DNAJB9: variants seen among roughly 807,000 people sequenced by gnomAD.
DNAJB9 encodes the protein DnaJ heat shock protein family (Hsp40) member B9, also known as dnaJ homolog subfamily B member 9.
Under a neutral mutation model 19.2 loss-of-function variants are expected in DNAJB9, and 12 were observed. The observed-to-expected ratio is 0.62, with a 90% CI of 0.40 to 1.01. The LOEUF (loss-of-function observed/expected upper bound fraction) is 1.01, where lower values mean the gene tolerates loss of function less well. DNAJB9 is among the 50% of genes least tolerant of loss of function. The pLI is 0.00. For synonymous variants in DNAJB9, 83 were observed against 84.0 expected, an observed-to-expected ratio of 0.99 and a Z score of 0.07; for missense variants, 272 against 261.1, an observed-to-expected ratio of 1.04 and a Z score of -0.29.
At position 108,573,342 on chromosome 7, in the gene DNAJB9, T is replaced by A. The variant is rs747058570; in HGVS notation, c.661T>A (p.Ser221Thr). 10 of 1,568,426 alleles carry A rather than the reference T, an allele frequency of 6.4e-6. No homozygotes were observed. The change falls in exon 3 of 3, where the codon TCA (serine) becomes ACA (threonine). Residue 221 changes from serine (S) to threonine (T), a missense_variant. By Grantham distance (58) the Ser-to-Thr change is moderately conservative. Transcript: ENST00000249356. ...TATGGTTACTACATACACTGACTGT[T>A]CAGGACAGTAGTTCTTATTCTATTC... is the stretch of plus-strand genomic sequence containing the variant. Reference protein sequence around the residue: ...GNMVTTYTDCSGQ With the variant: ...GNMVTTYTDCTGQ
At chr7:108,571,008 A>G (rs974961901) in intron 1 of DNAJB9, among the ~76,000 whole-genome samples, 1 of 152,264 alleles carries the variant, frequency 6.6e-6, no homozygotes, top group Non-Finnish European at 1.5e-5. Context: ...ACCACAGTAC[A>G]AACTATCAAA....
At chr7:108,570,707 C>G (rs1431160212) in intron 1 of DNAJB9, among the ~76,000 whole-genome samples, 2 of 152,140 alleles carry the variant, frequency 1.3e-5, no homozygotes, top group African/African-American at 4.8e-5. Context: ...GAGTAACTCT[C>G]TGGAAATAAG....
rs1209766104 is a variant in DNAJB9, at chr7:108,573,350, G to A, written c.669G>A (p.Gln223=). The change falls in exon 3 of 3, where the codon CAG becomes CAA. Residue 223 remains glutamine, a synonymous_variant. Transcript: ENST00000249356. ...MVTTYTDCSG[Q] Reference sequence around the variant, plus strand: ...CTACATACACTGACTGTTCAGGACAGTAGTTCTTATTCTATTCTCACTAAA... The same window carrying A: ...CTACATACACTGACTGTTCAGGACAATAGTTCTTATTCTATTCTCACTAAA... The A allele has an allele frequency of 6.5e-7, 1 of 1,542,846 alleles. No individual in the cohort carries two copies. The highest frequency in any genetic ancestry group is 1.2e-5 in the South Asian group (1 of 80,210).
At chr7:108,571,424 A>G (rs181583509) in intron 1 of DNAJB9, among the ~76,000 whole-genome samples, 1 of 151,984 alleles carries the variant, frequency 6.6e-6, no homozygotes, top group Non-Finnish European at 1.5e-5. Flanking sequence ...CATATGATGA[A>G]TCTTCAATAT....
At chr7:108,572,248 T>C (rs55687634) in intron 2 of DNAJB9, among the ~76,000 whole-genome samples, 6,823 of 152,268 alleles carry the variant, frequency 0.045, 483 homozygotes, top group African/African-American at 0.15. Flanking sequence ...TACCCAAAAT[T>C]CTTATCAACT....
rs1790670200 is a variant in DNAJB9 at position 108,574,370 on chromosome 7, T to C, written c.*1017T>C. 6.5e-6 allele frequency: 1 copy of C among 152,794 alleles called. No homozygotes were observed. The highest frequency in any genetic ancestry group is 1.5e-5 in the Non-Finnish European group (1 of 68,036). The allele number at this position is 152,794 out of a possible 1,614,324, so 9.5% of individuals were successfully genotyped here. A position where few individuals can be genotyped will look rare whatever the true frequency, so the allele number is the denominator to read the frequency against. ...AAAACAAGTGTCTCATACAACATTGTATGTGAGAGAAATATAAATATTTAC... is the reference window on the plus strand; with the variant it reads ...AAAACAAGTGTCTCATACAACATTGCATGTGAGAGAAATATAAATATTTAC... On this transcript the variant is annotated 3_prime_UTR_variant, in exon 3 of 3. Transcript: ENST00000249356.
Position 108,574,008 on chromosome 7 carries a change from T to G in DNAJB9, c.*655T>G, listed in dbSNP as rs1285559795. ...TATTGCCAAGAGATTGTTATGTGTT[T>G]GGTTCCAGCCTAAAAATGATTTTGT... On this transcript the variant is annotated 3_prime_UTR_variant, in exon 3 of 3. Coordinates refer to ENST00000249356, the MANE Select transcript of DNAJB9 (RefSeq NM_012328.3). 5 of 152,590 alleles carry G rather than the reference T, an allele frequency of 3.3e-5. No homozygotes were observed. Among genetic ancestry groups the G allele is most frequent in the Admixed American group, 2.6e-4 (4 of 15,282 alleles). 9.5% of individuals were successfully genotyped at this position (152,590 alleles called of 1,614,324 possible).
At chr7:108,572,001 G>C (rs1790628475) in intron 2 of DNAJB9, 58 bp downstream of exon 2, 1 of 1,534,590 alleles carries the variant, frequency 6.5e-7, no homozygotes, top group South Asian at 1.1e-5. Flanking sequence ...GAGAATGATA[G>C]CTAAGAAGTG....
chr7:108,572,750 G>A, intron 2 of DNAJB9, 149 bp from the exon 3 acceptor site: 1 of 630,326 alleles, frequency 1.6e-6, no homozygotes, highest in Non-Finnish European at 2.6e-6. Flanking sequence ...TTAACTTGAT[G>A]CTTATATTTG....
intron 1 of DNAJB9, 33 bp from the exon 2 acceptor site, chr7:108,571,684 A>G (rs1396790871): frequency 6.4e-7 from 1 of 1,561,782 alleles, no homozygotes; most frequent in Non-Finnish European, 8.7e-7. Flanking sequence ...GATTAGCTCC[A>G]TCCATAACAT....
At position 108,573,076 on chromosome 7, in the gene DNAJB9, G is replaced by A. The variant is rs762937281; in HGVS notation, c.395G>A (p.Gly132Glu). The change falls in exon 3 of 3, where the codon GGA (glycine) becomes GAA (glutamate). Residue 132 changes from glycine to glutamate, a missense_variant. Coordinates refer to ENST00000249356, the MANE Select transcript of DNAJB9 (RefSeq NM_012328.3). ...FGFFGQNQNT[G>E]SKKRFENHFQ... ...TTTTTTGGTCAAAACCAAAACACTG[G>A]ATCCAAGAAGCGTTTTGAAAATCAT... 6.2e-7 allele frequency: 1 copy of A among 1,614,060 alleles called. No individual in the cohort carries two copies. The highest frequency in any genetic ancestry group is 2.2e-5 in the East Asian group (1 of 44,874).
At chr7:108,570,379 G>C (rs1431458733) in intron 1 of DNAJB9, among the ~76,000 whole-genome samples, 1 of 152,084 alleles carries the variant, frequency 6.6e-6, no homozygotes, top group African/African-American at 2.4e-5. Flanking sequence ...AGTGCCAGTC[G>C]CCTTTAGGTG....
At chr7:108,572,037 T>C (rs1266879284) in intron 2 of DNAJB9, 94 bp downstream of exon 2, 1 of 1,231,298 alleles carries the variant, frequency 8.1e-7, no homozygotes, top group Non-Finnish European at 1.2e-6. Flanking sequence ...TTTGTGGAGA[T>C]GGGAGGTGGA....
In DNAJB9 at chr7:108,573,364, A is replaced by G. The variant is rs763361103; in HGVS notation, c.*11A>G. On this transcript the variant is annotated 3_prime_UTR_variant, in exon 3 of 3. Coordinates refer to ENST00000249356, the MANE Select transcript of DNAJB9 (RefSeq NM_012328.3). ...TGTTCAGGACAGTAGTTCTTATTCTATTCTCACTAAATCCAACTGGTTGAC... is the reference window on the plus strand; with the variant it reads ...TGTTCAGGACAGTAGTTCTTATTCTGTTCTCACTAAATCCAACTGGTTGAC... 34 of 1,506,260 alleles carry G rather than the reference A, an allele frequency of 2.3e-5. No homozygotes were observed. The highest frequency in any genetic ancestry group is 3.5e-4 in the Middle Eastern group (2 of 5,638). The allele number at this position is 1,506,260 out of a possible 1,614,324, so 93.3% of individuals were successfully genotyped here.
At position 108,573,302 on chromosome 7, in the gene DNAJB9, T is replaced by A. The variant is rs749929964; in HGVS notation, c.621T>A (p.Thr207=). ...HGSSKHCRTV[T]QRRGNMVTTY... is the part of the protein sequence containing the mutation. ...CTAGCAAGCACTGCAGGACTGTCAC[T>A]CAACGAAGAGGAAATATGGTTACTA... Residue 207 remains threonine, a synonymous_variant, in exon 3 of 3, where the codon ACT becomes ACA. Coordinates refer to ENST00000249356, the MANE Select transcript of DNAJB9 (RefSeq NM_012328.3). 1.2e-5 allele frequency: 20 copies of A among 1,609,906 alleles called. 1 individual carries two copies. In the South Asian group the frequency reaches 2.2e-4, roughly 18 times the overall value.
chr7:108,574,771 G>A lies in DNAJB9; in HGVS notation c.*1418G>A, dbSNP rs1790676237. On this transcript the variant is annotated 3_prime_UTR_variant, in exon 3 of 3. Transcript: ENST00000249356. ...AAACTTAAGAAAATGAATTTATTCT[G>A]TTATATTTATGTAACTTATTTCCTG... 6.6e-6 allele frequency: 1 copy of A among 152,060 alleles called. No homozygotes were observed. The highest frequency in any genetic ancestry group is 2.4e-5 in the African/African-American group (1 of 41,382). 9.4% of individuals were successfully genotyped at this position (152,060 alleles called of 1,614,324 possible).
Position 108,573,454 on chromosome 7 carries a change from A to G in DNAJB9, c.*101A>G, listed in dbSNP as rs2154518294. 1.2e-6 allele frequency: 1 copy of G among 865,148 alleles called. No individual in the cohort carries two copies. The highest frequency in any genetic ancestry group is 2.4e-4 in the Middle Eastern group (1 of 4,154). 53.6% of individuals were successfully genotyped at this position (865,148 alleles called of 1,614,324 possible). On this transcript the variant is annotated 3_prime_UTR_variant, in exon 3 of 3. Transcript: ENST00000249356. ...ACTATTTTGACAAGTGCATGATTTC[A>G]CTTTAAACAATTTGATATAGCTATT...
Position 108,569,887 on chromosome 7 carries a change from C to T in DNAJB9, c.-227C>T, listed in dbSNP as rs1790581544. The T allele has an allele frequency of 6.4e-6, 3 of 472,302 alleles. No homozygotes were observed. Among genetic ancestry groups the T allele is most frequent in the South Asian group, 4.9e-5 (2 of 40,690 alleles). The allele number at this position is 472,302 out of a possible 1,614,324, so 29.3% of individuals were successfully genotyped here. A position where few individuals can be genotyped will look rare whatever the true frequency, so the allele number is the denominator to read the frequency against. On this transcript the variant is annotated 5_prime_UTR_variant, in exon 1 of 3. Transcript: ENST00000249356. ...TGTAGGTCTTCTGAGGTGGTGGCGC[C>T]AGCGGCTACCTCCTGCCTGTGAGGA...
In DNAJB9 at chr7:108,573,042, G is replaced by A; in HGVS notation, c.361G>A (p.Asp121Asn). Reference sequence around the variant, plus strand: ...CTTCAATTTTGATGACTTATTTAAAGACTTTGGCTTTTTTGGTCAAAACCA... The same window carrying A: ...CTTCAATTTTGATGACTTATTTAAAAACTTTGGCTTTTTTGGTCAAAACCA... ...FNFNFDDLFK[D>N]FGFFGQNQNT... The change falls in exon 3 of 3, where the codon GAC becomes AAC. Residue 121 changes from aspartate to asparagine, a missense_variant. Asp to Asn is a conservative substitution (Grantham distance 23). Coordinates refer to ENST00000249356, the MANE Select transcript of DNAJB9 (RefSeq NM_012328.3). 1 of 1,614,034 alleles carries A rather than the reference G, an allele frequency of 6.2e-7. No homozygotes were observed. Among genetic ancestry groups the A allele is most frequent in the Admixed American group, 1.7e-5 (1 of 60,008 alleles).
Sources: allele counts gnomAD v4.1 joint callset (sites outside exome capture counted in the v4.1 genomes callset), GRCh38; gene constraint gnomAD v4.1.1; transcripts MANE v1.5; gene names NCBI Gene and HGNC (gene_info 2026-07-23, HGNC 2026-07-21).